The following SCAF4 variants were observed in gnomAD, a reference collection of about 807,000 sequenced individuals.
The protein encoded by SCAF4 is SR-related CTD associated factor 4.
A neutral mutation model predicts 129.8 loss-of-function variants in SCAF4; 25 were observed. The ratio of observed to expected loss-of-function variants is 0.19; its 90% CI spans 0.14 to 0.27. SCAF4 has a LOEUF of 0.27. Ranked by LOEUF, SCAF4 falls within the 10% of genes least tolerant of loss-of-function variation. The probability of loss-of-function intolerance (pLI) is 1.00; values close to 1 mark genes in which losing one functional copy is unlikely to be tolerated. For missense variants in SCAF4, 1,246 were observed against 1,457.1 expected, an observed-to-expected ratio of 0.86 and a Z score of 2.36; for synonymous variants, 551 against 497.7, an observed-to-expected ratio of 1.11 and a Z score of -1.43.
chr21:31,688,775 ACATT>A (rs1325236874), intron 15 of SCAF4, among the ~76,000 whole-genome samples: 1 of 152,226 alleles, frequency 6.6e-6, no homozygotes, highest in African/African-American at 2.4e-5. Flanking sequence ...GCCCAAGATC[ACATT>A]CTTGGTAAAT....
At chr21:31,679,514 G>A (rs1220423975) in intron 19 of SCAF4, among the ~76,000 whole-genome samples, 1 of 152,120 alleles carries the variant, frequency 6.6e-6, no homozygotes, top group Non-Finnish European at 1.5e-5. Context: ...TGTTCTGAGA[G>A]CTGCGGAAAA....
Position 31,732,072 on chromosome 21 carries a change from A to G in SCAF4, c.-380T>C, listed in dbSNP as rs2051380053. The G allele has an allele frequency of 2.4e-6, 1 of 411,028 alleles. No individual in the cohort carries two copies. The highest frequency in any genetic ancestry group is 4.3e-6 in the Non-Finnish European group (1 of 234,920). 25.5% of individuals were successfully genotyped at this position (411,028 alleles called of 1,614,324 possible). On this transcript the variant is annotated 5_prime_UTR_variant, in exon 1 of 20. Coordinates refer to ENST00000286835, the MANE Select transcript of SCAF4 (RefSeq NM_020706.2). ...GGCGGGCCTCTCTCTCCCTCTCTCC[A>G]GCGGGATGGCGGCAGCGGCCCGAGT...
rs771969961 is a variant in SCAF4 at position 31,671,617 on chromosome 21, G to C, written c.3226C>G (p.Arg1076Gly). ...RESRREKEEARGKEKPEVTDR... is the reference protein window; with the variant it reads ...RESRREKEEAGGKEKPEVTDR... ...GTCACCTCAGGCTTTTCCTTTCCTC[G>C]GGCTTCTTCCTTCTCTCTACGAGAC... The change falls in exon 20 of 20, where the codon CGA (arginine) becomes GGA (glycine). Residue 1076 changes from arginine to glycine, a missense_variant. This residue lies in a region of SCAF4 where 339 missense variants were observed against 325.0 expected (regional missense o/e 1.04). Transcript: ENST00000286835. 14 of 1,613,734 alleles carry C rather than the reference G, an allele frequency of 8.7e-6. No individual in the cohort carries two copies. The highest frequency in any genetic ancestry group is 1.2e-5 in the Non-Finnish European group (14 of 1,179,982).
chr21:31,724,302 G>A (rs1204510830), intron 1 of SCAF4, among the ~76,000 whole-genome samples: 1 of 152,210 alleles, frequency 6.6e-6, no homozygotes, highest in South Asian at 2.1e-4. Context: ...CTCTTCTAAC[G>A]CAAATTTAAC....
intron 1 of SCAF4, among the ~76,000 whole-genome samples, chr21:31,721,651 G>T (rs1424376659): frequency 1.3e-5 from 2 of 152,028 alleles, no homozygotes; most frequent in Non-Finnish European, 2.9e-5. Context: ...GCAGTAAGTG[G>T]GTGAACTATC....
intron 16 of SCAF4, among the ~76,000 whole-genome samples, chr21:31,686,231 A>G (rs80021168): frequency 8.6e-5 from 13 of 150,602 alleles, no homozygotes; most frequent in African/African-American, 2.9e-4. Flanking sequence ...AAAAAAAAAA[A>G]GGAAAGAAAG....
chr21:31,729,158 A>G (rs981023761), intron 1 of SCAF4, among the ~76,000 whole-genome samples: 1 of 152,212 alleles, frequency 6.6e-6, no homozygotes. Flanking sequence ...CCACAGCCTA[A>G]AACTGAAATT....
At chr21:31,673,293 AAATACTAT>A (rs2049758896) in intron 19 of SCAF4, among the ~76,000 whole-genome samples, 6 of 152,196 alleles carry the variant, frequency 3.9e-5, no homozygotes, top group Admixed American at 3.3e-4. Flanking sequence ...TAAATAAGAC[AAATACTAT>A]AATACTATGA....
intron 4 of SCAF4, among the ~76,000 whole-genome samples, chr21:31,703,398 T>G (rs2123592361): frequency 6.6e-6 from 1 of 152,292 alleles, no homozygotes; most frequent in South Asian, 2.1e-4. Context: ...AATTGTTAAC[T>G]ATAGGTACAA....
intron 1 of SCAF4, among the ~76,000 whole-genome samples, chr21:31,723,415 T>C (rs1057435578): frequency 2.9e-4 from 44 of 152,068 alleles, no homozygotes; most frequent in African/African-American, 9.9e-4. Context: ...ATCATGCCAC[T>C]GCACTCCAGC....
chr21:31,679,616 A>T (rs1352005748), intron 19 of SCAF4, among the ~76,000 whole-genome samples: 3 of 152,228 alleles, frequency 2.0e-5, no homozygotes, highest in Admixed American at 2.0e-4. Flanking sequence ...AATGATGCTT[A>T]GAATGTTAGC....
intron 1 of SCAF4, among the ~76,000 whole-genome samples, chr21:31,715,347 G>A (rs2050899032): frequency 6.6e-6 from 1 of 151,912 alleles, no homozygotes; most frequent in South Asian, 2.1e-4. Flanking sequence ...GATAATCCAG[G>A]ATAATTAACC....
intron 19 of SCAF4, among the ~76,000 whole-genome samples, chr21:31,681,390 T>C (rs2049991437): frequency 6.6e-6 from 1 of 152,218 alleles, no homozygotes; most frequent in Admixed American, 6.5e-5. Context: ...TTTTTTATTG[T>C]TTGGAACACC....
At chr21:31,730,402 T>C (rs1055257635) in intron 1 of SCAF4, among the ~76,000 whole-genome samples, 1 of 152,204 alleles carries the variant, frequency 6.6e-6, no homozygotes, top group African/African-American at 2.4e-5. Flanking sequence ...TACCCATCAA[T>C]TGAAGAAAAT....
intron 13 of SCAF4, 44 bp downstream of exon 13, chr21:31,692,305 A>G (rs1314149282): frequency 7.6e-6 from 11 of 1,441,544 alleles, no homozygotes; most frequent in Non-Finnish European, 1.1e-5. Flanking sequence ...AATGACATTA[A>G]TCACACCTGT....
At chr21:31,724,842 T>C (rs879576686) in intron 1 of SCAF4, among the ~76,000 whole-genome samples, 1 of 152,184 alleles carries the variant, frequency 6.6e-6, no homozygotes, top group Non-Finnish European at 1.5e-5. Context: ...GCTCTCTGAA[T>C]CAATTCCTCA....
At chr21:31,675,801 G>C (rs1166317350) in intron 19 of SCAF4, among the ~76,000 whole-genome samples, 1 of 152,172 alleles carries the variant, frequency 6.6e-6, no homozygotes, top group East Asian at 1.9e-4. Flanking sequence ...AATTACAAAA[G>C]GGGGTGGGGA....
chr21:31,681,371 T>G (rs962882374), intron 19 of SCAF4, among the ~76,000 whole-genome samples: 3 of 152,252 alleles, frequency 2.0e-5, no homozygotes, highest in African/African-American at 7.2e-5. Flanking sequence ...AACATTTTTT[T>G]GTGTATTCTT....
At chr21:31,706,989 G>T in intron 1 of SCAF4, 1 of 300,634 alleles carries the variant, frequency 3.3e-6, no homozygotes, top group East Asian at 1.2e-4. Flanking sequence ...TTTAAGGAGG[G>T]AATCCCAGTT....
Sources: gnomAD v4.1 joint callset for allele counts (sites outside exome capture counted in the v4.1 genomes callset) on GRCh38, gnomAD v4.1.1 for gene constraint, gnomAD v4.1.1 regional missense constraint, MANE v1.5 for transcripts, NCBI Gene and HGNC (gene_info 2026-07-23, HGNC 2026-07-21) for gene names.